Variants in ITCH observed in about 807,000 individuals in gnomAD.
ITCH encodes the protein E3 ubiquitin-protein ligase Itchy homolog.
ITCH carries 28 observed loss-of-function variants against 126.8 expected under a neutral mutation model. The observed-to-expected ratio is 0.22, with a 90% CI of 0.16 to 0.30. The LOEUF (loss-of-function observed/expected upper bound fraction) is 0.30. ITCH is among the 10% of genes least tolerant of loss of function. ITCH has a pLI of 1.00. For synonymous variants in ITCH, 342 were observed against 340.0 expected (o/e 1.01, Z -0.06); for missense variants, 631 against 1,032.4 (o/e 0.61, Z 5.33).
intron 14 of ITCH, 102 bp from the exon 15 acceptor site, chr20:34,469,946 T>G (rs1987460526): frequency 2.3e-6 from 2 of 853,782 alleles, no homozygotes; most frequent in Admixed American, 3.4e-5. Flanking sequence ...ATTTTTGAAT[T>G]TGGTTAGTAA....
At chr20:34,377,299 G>T (rs946545445) in intron 2 of ITCH, among the ~76,000 whole-genome samples, 1 of 152,170 alleles carries the variant, frequency 6.6e-6, no homozygotes, top group African/African-American at 2.4e-5. Context: ...GCTGGAAACA[G>T]GGAGGCGGAG....
At chr20:34,484,393 CATT>C (rs1988967378) in intron 20 of ITCH, among the ~76,000 whole-genome samples, 2 of 152,274 alleles carry the variant, frequency 1.3e-5, no homozygotes, top group South Asian at 4.1e-4. Context: ...AGTGAGCTGT[CATT>C]ATTTCTTGGA....
chr20:34,402,438 C>G (rs2038919400), intron 3 of ITCH: 1 of 770,966 alleles, frequency 1.3e-6, no homozygotes, highest in Non-Finnish European at 2.4e-6. Context: ...TTCACATTTT[C>G]AAATGAAAAT....
chr20:34,393,164 C>CA (rs1208094548), intron 2 of ITCH, among the ~76,000 whole-genome samples: 2 of 152,132 alleles, frequency 1.3e-5, no homozygotes, highest in East Asian at 3.8e-4. Flanking sequence ...CTTCACTGGG[C>CA]AAAGGGGAAG....
chr20:34,371,725 C>T (rs2037638514), intron 2 of ITCH, among the ~76,000 whole-genome samples: 1 of 152,124 alleles, frequency 6.6e-6, no homozygotes, highest in Non-Finnish European at 1.5e-5. Context: ...ATATCCATTT[C>T]ATCTCAAGCT....
intron 12 of ITCH, among the ~76,000 whole-genome samples, chr20:34,453,698 A>G (rs892943897): frequency 1.9e-4 from 29 of 152,192 alleles, no homozygotes; most frequent in Admixed American, 5.2e-4. Context: ...TTTTTAAACA[A>G]GAAAGAGAAT....
chr20:34,403,568 G>A (rs954946447), intron 3 of ITCH, among the ~76,000 whole-genome samples: 2 of 152,126 alleles, frequency 1.3e-5, no homozygotes, highest in African/African-American at 4.8e-5. Context: ...AAATCCCAGA[G>A]TGCTCCAGAA....
intron 1 of ITCH, 88 bp from the exon 2 acceptor site, chr20:34,369,306 C>G (rs1213741644): frequency 5.1e-6 from 2 of 389,614 alleles, no homozygotes; most frequent in East Asian, 3.6e-5. Context: ...GCACTCTAGC[C>G]TGGCGACAGA....
chr20:34,507,563 T>C (rs1177604641), intron 24 of ITCH, 132 bp from the exon 25 acceptor site: 1 of 720,414 alleles, frequency 1.4e-6, no homozygotes, highest in Non-Finnish European at 2.4e-6. Flanking sequence ...TATTTCACTT[T>C]CTTGATGGTA....
At position 34,504,362 on chromosome 20, in the gene ITCH, A is replaced by G; in HGVS notation, c.2448A>G (p.Glu816=). The G allele has an allele frequency of 6.2e-7, 1 of 1,613,662 alleles. No homozygotes were observed. The highest frequency in any genetic ancestry group is 8.5e-7 in the Non-Finnish European group (1 of 1,179,568). The change falls in exon 24 of 25, where the codon GAA becomes GAG. Residue 816 remains glutamate (E), a synonymous_variant. Transcript: ENST00000374864. ...GSNGPQKFCI[E]KVGKENWLPR... ...ATGGACCACAGAAATTCTGCATTGA[A>G]AAAGTTGGGAAAGAAAATTGGCTAC... is the stretch of plus-strand genomic sequence containing the variant.
chr20:34,403,924 T>G (rs1009173977), intron 3 of ITCH, among the ~76,000 whole-genome samples: 1 of 152,156 alleles, frequency 6.6e-6, no homozygotes, highest in African/African-American at 2.4e-5. Flanking sequence ...TTGGTAAGAT[T>G]TGTTTTAGTA....
At chr20:34,380,742 G>A (rs1050743565) in intron 2 of ITCH, among the ~76,000 whole-genome samples, 4 of 151,034 alleles carry the variant, frequency 2.6e-5, no homozygotes, top group Non-Finnish European at 4.4e-5. Context: ...TGAGCCACCG[G>A]CCCTGCCCAA....
At chr20:34,431,876 C>G (rs1389369056) in intron 7 of ITCH, among the ~76,000 whole-genome samples, 2 of 151,956 alleles carry the variant, frequency 1.3e-5, no homozygotes, top group Non-Finnish European at 2.9e-5. Context: ...CCCATCTCTA[C>G]TAAAAATACA....
chr20:34,396,825 T>C (rs1382330449), intron 3 of ITCH, among the ~76,000 whole-genome samples: 1 of 152,182 alleles, frequency 6.6e-6, no homozygotes, highest in Non-Finnish European at 1.5e-5. Context: ...CTATTGTTAA[T>C]TAATATCTCT....
intron 23 of ITCH, among the ~76,000 whole-genome samples, chr20:34,501,798 A>T (rs904861064): frequency 2.0e-5 from 3 of 149,812 alleles, no homozygotes; most frequent in African/African-American, 7.3e-5. Context: ...AAAAAAAGAC[A>T]AGTAGTACTG....
chr20:34,441,178 A>G (rs1983704206), intron 9 of ITCH, among the ~76,000 whole-genome samples: 2 of 152,012 alleles, frequency 1.3e-5, no homozygotes, highest in Admixed American at 1.3e-4. Context: ...AGGCTGAGGC[A>G]GGAGAATTGC....
At chr20:34,481,272 A>C in intron 20 of ITCH, 66 bp downstream of exon 20, 1 of 1,451,612 alleles carries the variant, frequency 6.9e-7, no homozygotes, top group Non-Finnish European at 9.7e-7. Context: ...TTGCTTACTA[A>C]TACTAATGGA....
intron 2 of ITCH, among the ~76,000 whole-genome samples, chr20:34,382,100 G>A (rs2038087969): frequency 6.6e-6 from 1 of 152,056 alleles, no homozygotes; most frequent in Non-Finnish European, 1.5e-5. Flanking sequence ...TTAATCGGAG[G>A]GGCTAATCTT....
intron 7 of ITCH, among the ~76,000 whole-genome samples, chr20:34,433,713 A>G (rs1476959184): frequency 6.6e-6 from 1 of 151,900 alleles, no homozygotes; most frequent in Admixed American, 6.6e-5. Context: ...AAATTGTAGT[A>G]TGTCTATATA....
Sources: gnomAD v4.1 joint callset for allele counts (sites outside exome capture counted in the v4.1 genomes callset) on GRCh38, gnomAD v4.1.1 for gene constraint, MANE v1.5 for transcripts, NCBI Gene and HGNC (gene_info 2026-07-23, HGNC 2026-07-21) for gene names.